The following DNAH14 variants were observed in gnomAD, a reference collection of about 807,000 sequenced individuals.
The protein encoded by DNAH14 is axonemal beta dynein heavy chain 14.
In DNAH14, 478 loss-of-function variants were observed where a neutral mutation model predicts 520.9. That is an observed-to-expected ratio of 0.92 (90% CI 0.85 to 0.99). The LOEUF (loss-of-function observed/expected upper bound fraction) is 0.99, where lower values mean the gene tolerates loss of function less well. DNAH14 is among the 50% of genes least tolerant of loss of function. DNAH14 has a pLI of 0.00. For synonymous variants in DNAH14, 1,581 were observed against 1,757.2 expected (o/e 0.90, Z 2.51); for missense variants, 4,831 against 5,234.5 (o/e 0.92, Z 2.38).
chr1:225,241,569 C>CT (rs1252333810), intron 43 of DNAH14, among the ~76,000 whole-genome samples: 1 of 152,014 alleles, frequency 6.6e-6, no homozygotes, highest in Non-Finnish European at 1.5e-5. Context: ...AAAGAGTGAA[C>CT]TTACACAAAT....
chr1:225,143,179 G>T (rs1401433506), intron 28 of DNAH14, among the ~76,000 whole-genome samples: 1 of 151,914 alleles, frequency 6.6e-6, no homozygotes, highest in Non-Finnish European at 1.5e-5. Context: ...TGTTCTAAGG[G>T]AACACTAATG....
intron 3 of DNAH14, 137 bp downstream of exon 3, chr1:224,955,235 T>C: frequency 1.6e-5 from 15 of 927,882 alleles, no homozygotes; most frequent in Non-Finnish European, 2.5e-5. Context: ...ACTAACTTCA[T>C]TAGTTATAGC....
At chr1:225,157,487 G>A (rs922568042) in intron 34 of DNAH14, among the ~76,000 whole-genome samples, 11 of 151,752 alleles carry the variant, frequency 7.2e-5, no homozygotes, top group South Asian at 4.2e-4. Flanking sequence ...TGGTAATTTC[G>A]CATGCCATTT....
chr1:225,331,625 CCAA>C lies in DNAH14; in HGVS notation c.9864+53_9864+55del, dbSNP rs1239472508. 1.9e-6 allele frequency: 3 copies of C among 1,548,334 alleles called. No homozygotes were observed. In the Admixed American group the frequency reaches 5.9e-5, roughly 31 times the overall value. On this transcript the variant is annotated intron_variant, in intron 65 of 85. Transcript: ENST00000682510. ...ATCTCGTCCATAATTCCTACTGGGC[CCAA>C]CAACCCCCAAGATGTTATTTTCACT...
intron 79 of DNAH14, among the ~76,000 whole-genome samples, chr1:225,379,159 T>G (rs1317494975): frequency 2.6e-5 from 4 of 152,212 alleles, no homozygotes; most frequent in African/African-American, 7.2e-5. Flanking sequence ...AAGCCCTTCG[T>G]GTCAACACAG....
At chr1:224,949,436 A>G (rs954789246) in intron 1 of DNAH14, among the ~76,000 whole-genome samples, 5 of 152,172 alleles carry the variant, frequency 3.3e-5, no homozygotes, top group African/African-American at 1.2e-4. Context: ...CTGAAGGTTT[A>G]TGTCTGGAAA....
intron 31 of DNAH14, among the ~76,000 whole-genome samples, chr1:225,147,475 C>G (rs1436245959): frequency 6.6e-6 from 1 of 152,034 alleles, no homozygotes; most frequent in Admixed American, 6.6e-5. Context: ...TTAGAAGTAC[C>G]CAAATTCTTG....
chr1:225,393,325 T>C (rs2095946948), intron 84 of DNAH14, among the ~76,000 whole-genome samples: 1 of 152,172 alleles, frequency 6.6e-6, no homozygotes, highest in Non-Finnish European at 1.5e-5. Flanking sequence ...GTTAAGAGTG[T>C]ACTTCCACAA....
intron 66 of DNAH14, among the ~76,000 whole-genome samples, chr1:225,335,275 T>TGTGTATATGCAGATACGCACATGTGTACA (rs1558425838): frequency 1.3e-5 from 1 of 79,204 alleles, no homozygotes; most frequent in Non-Finnish European, 2.6e-5. Flanking sequence ...CACGTGTACA[T>TGTGTATATGCAGATACGCACATGTGTACA]TGTGTGTATA....
At chr1:225,113,180 G>A (rs150061492) in intron 23 of DNAH14, among the ~76,000 whole-genome samples, 2 of 152,272 alleles carry the variant, frequency 1.3e-5, no homozygotes, top group East Asian at 3.9e-4. Context: ...GCTCACTGCA[G>A]CTGTATTTTC....
intron 41 of DNAH14, among the ~76,000 whole-genome samples, chr1:225,223,915 C>T (rs2090293177): frequency 6.6e-6 from 1 of 152,062 alleles, no homozygotes; most frequent in African/African-American, 2.4e-5. Flanking sequence ...ACTAGCAGCC[C>T]CAACAGAGCC....
intron 11 of DNAH14, among the ~76,000 whole-genome samples, chr1:225,025,038 A>G (rs941366028): frequency 2.0e-5 from 3 of 152,044 alleles, no homozygotes; most frequent in African/African-American, 7.2e-5. Flanking sequence ...TTTTTATGTT[A>G]CAGGAATAAT....
intron 11 of DNAH14, among the ~76,000 whole-genome samples, chr1:225,037,114 G>GGT (rs2067040074): frequency 6.6e-6 from 1 of 152,110 alleles, no homozygotes; most frequent in African/African-American, 2.4e-5. Context: ...TGTTTGTCAA[G>GGT]GTGAAGAGTG....
At chr1:225,292,941 C>T (rs895774659) in intron 55 of DNAH14, among the ~76,000 whole-genome samples, 1 of 151,904 alleles carries the variant, frequency 6.6e-6, no homozygotes, top group Admixed American at 6.6e-5. Flanking sequence ...ATTTTTGTAT[C>T]CTGCTACTTT....
At chr1:225,064,595 C>T (rs1010679693) in intron 17 of DNAH14, among the ~76,000 whole-genome samples, 1 of 149,966 alleles carries the variant, frequency 6.7e-6, no homozygotes. Context: ...AAAAAAAGAA[C>T]AAGCTACTAC....
At chr1:225,052,115 G>A (rs1331037615) in intron 17 of DNAH14, among the ~76,000 whole-genome samples, 1 of 151,928 alleles carries the variant, frequency 6.6e-6, no homozygotes, top group Non-Finnish European at 1.5e-5. Flanking sequence ...TTATTTGTTT[G>A]TTTGTTGATC....
intron 17 of DNAH14, among the ~76,000 whole-genome samples, chr1:225,076,877 G>T (rs2072345225): frequency 6.6e-6 from 1 of 151,826 alleles, no homozygotes. Context: ...AATGTTCCAT[G>T]TTGGTTTGCT....
intron 27 of DNAH14, 130 bp downstream of exon 27, chr1:225,123,744 CT>C (rs1214786516): frequency 5.3e-6 from 1 of 189,864 alleles, no homozygotes; most frequent in Non-Finnish European, 1.2e-5. Context: ...CCCCTAGGGC[CT>C]ATAACAGTTA....
chr1:225,118,034 A>G (rs1559012831), intron 25 of DNAH14, 35 bp downstream of exon 25: 1 of 1,412,836 alleles, frequency 7.1e-7, no homozygotes, highest in East Asian at 2.5e-5. Flanking sequence ...TAGATTCTGT[A>G]CAACGTCATT....
Sources: allele counts gnomAD v4.1 joint callset (sites outside exome capture counted in the v4.1 genomes callset), GRCh38; gene constraint gnomAD v4.1.1; transcripts MANE v1.5; gene names NCBI Gene and HGNC (gene_info 2026-07-23, HGNC 2026-07-21).